The following GSTA3 variants were observed in gnomAD, a reference collection of about 807,000 sequenced individuals.
GSTA3 encodes the protein glutathione S-transferase A3.
Under a neutral mutation model 23.1 loss-of-function variants are expected in GSTA3, and 16 were observed. The observed-to-expected ratio is 0.69, with a 90% CI of 0.47 to 1.05. The LOEUF is 1.05. Among genes scored for constraint, GSTA3 ranks in the 50% least tolerant of loss-of-function variants. The pLI is 0.00. For missense variants in GSTA3, 319 were observed against 263.6 expected, an observed-to-expected ratio of 1.21 and a Z score of -1.46; for synonymous variants, 122 against 91.0, an observed-to-expected ratio of 1.34 and a Z score of -1.94.
In GSTA3 at chr6:52,908,049, C is replaced by T. The variant is rs151026664; in HGVS notation, c.-22+1592G>A. On this transcript the variant is annotated intron_variant, in intron 1 of 6. Coordinates refer to ENST00000211122, the MANE Select transcript of GSTA3 (RefSeq NM_000847.5). ...CCCCACCCCTCAAACTGTGAGCTCC[C>T]GGGAAGCAGAGAAGTTGTCATAGTC... 3.0e-4 allele frequency among the ~76,000 whole-genome samples: 45 copies of T among 151,846 alleles called. 1 individual carries two copies. In the East Asian group the frequency reaches 6.8e-3, roughly 23 times the overall value.
chr6:52,902,751 C>T (rs1456494573), intron 3 of GSTA3, among the ~76,000 whole-genome samples: 1 of 152,226 alleles, frequency 6.6e-6, no homozygotes, highest in East Asian at 1.9e-4. Flanking sequence ...GTTGATTTAT[C>T]GTCATGATAT....
rs1430964903 is a variant in GSTA3 at position 52,903,694 on chromosome 6, A to G, written c.121T>C (p.Leu41=). ...ATCTTACCATTTCTTAACTTTCCCA[A>G]ATCTTCTGCAGATCCTATAAATTTC... ...EEKFIGSAED[L]GKLRNDGSLM... Residue 41 remains leucine (L), a synonymous_variant, in exon 3 of 7, where the codon TTG becomes CTG. Coordinates refer to ENST00000211122, the MANE Select transcript of GSTA3 (RefSeq NM_000847.5). 2.5e-6 allele frequency: 4 copies of G among 1,590,166 alleles called. No homozygotes were observed. Among genetic ancestry groups the G allele is most frequent in the Admixed American group, 3.3e-5 (2 of 59,904 alleles).
rs1470123015 is a variant in GSTA3, at chr6:52,897,856, G to T, written c.515C>A (p.Ser172Tyr). The T allele has an allele frequency of 1.2e-6, 2 of 1,613,746 alleles. No homozygotes were observed. Among genetic ancestry groups the T allele is most frequent in the African/African-American group, 2.7e-5 (2 of 74,862 alleles). ...ELLYYVEELD[S>Y]SLISNFPLLK... is the part of the protein sequence containing the mutation. ...CAGAGGGAAGTTGGAGATAAGGCTG[G>T]AGTCAAGCTCTTCCACATAGTAGAG... The change falls in exon 6 of 7, where the codon TCC becomes TAC. Residue 172 changes from serine to tyrosine, a missense_variant. Transcript: ENST00000211122.
At chr6:52,903,832 G>A (rs1765788872) in intron 2 of GSTA3, 105 bp from the exon 3 acceptor site, 9 of 703,238 alleles carry the variant, frequency 1.3e-5, no homozygotes, top group Admixed American at 9.1e-5. Flanking sequence ...GAGAACATAA[G>A]ATTTCTGAGT....
intron 5 of GSTA3, among the ~76,000 whole-genome samples, chr6:52,898,799 C>A (rs1385570852): frequency 1.3e-5 from 2 of 152,166 alleles, no homozygotes; most frequent in Non-Finnish European, 2.9e-5. Context: ...ACGGTGAGCG[C>A]ACACTTGGAC....
At chr6:52,903,643 C>G (rs981243381) in intron 3 of GSTA3, 33 bp downstream of exon 3, 1 of 1,179,984 alleles carries the variant, frequency 8.5e-7, no homozygotes, top group Non-Finnish European at 1.3e-6. Flanking sequence ...TACTAGATAC[C>G]CTCATCAGAG....
intron 1 of GSTA3, among the ~76,000 whole-genome samples, chr6:52,906,604 C>G (rs10948730): frequency 2.6e-5 from 4 of 151,986 alleles, no homozygotes; most frequent in Admixed American, 2.0e-4. Flanking sequence ...GGTACTGGTA[C>G]CAAAACAGAG....
intron 6 of GSTA3, 21 bp from the exon 7 acceptor site, chr6:52,896,949 C>A (rs1765468387): frequency 6.2e-7 from 1 of 1,613,012 alleles, no homozygotes; most frequent in African/African-American, 1.3e-5. Context: ...CAAAGCACAG[C>A]CTCAGAGTGA....
intron 6 of GSTA3, among the ~76,000 whole-genome samples, chr6:52,897,335 C>T (rs1278811325): frequency 1.3e-5 from 2 of 152,198 alleles, no homozygotes; most frequent in Non-Finnish European, 2.9e-5. Context: ...CATGGGACCA[C>T]GTTTTCTCAG....
Position 52,900,084 on chromosome 6 carries a change from CA to C in GSTA3, c.273-10del. 6.3e-7 allele frequency: 1 copy of C among 1,591,478 alleles called. No homozygotes were observed. The highest frequency in any genetic ancestry group is 1.2e-5 in the South Asian group (1 of 86,090). On this transcript the variant is annotated splice_polypyrimidine_tract_variant and intron_variant, in intron 4 of 6. Transcript: ENST00000211122. The stretch of plus-strand genomic sequence containing the variant: ...CTGTATACATATCAATTCTGAAAGA[CA>C]AAAACAGCCAAAGCATCAAATGCCT...
rs115473843 is a variant in GSTA3 at position 52,897,487 on chromosome 6, G to A, written c.546+338C>T. On this transcript the variant is annotated intron_variant, in intron 6 of 6. Coordinates refer to ENST00000211122, the MANE Select transcript of GSTA3 (RefSeq NM_000847.5). ...AGGGCCCTGCTCAGACCAATTCAGT[G>A]TGGGAACACAAGGACAGTCTTGGGA... Among the ~76,000 whole-genome samples the A allele has an allele frequency of 2.5e-3, 375 of 152,290 alleles. 4 individuals are homozygous for A. The highest frequency in any genetic ancestry group is 8.6e-3 in the African/African-American group (357 of 41,570).
chr6:52,904,266 A>G (rs1021016443), intron 2 of GSTA3, among the ~76,000 whole-genome samples: 1 of 152,114 alleles, frequency 6.6e-6, no homozygotes, highest in African/African-American at 2.4e-5. Context: ...CTGGGATTAA[A>G]GGTGTGACCC....
Position 52,898,336 on chromosome 6 carries a change from A to G in GSTA3, c.415-380T>C, listed in dbSNP as rs188262001. 1.1e-3 allele frequency among the ~76,000 whole-genome samples: 161 copies of G among 151,882 alleles called. 5 individuals are homozygous for G. Among genetic ancestry groups the G allele is most frequent in the East Asian group, 1.4e-3 (7 of 5,162 alleles). On this transcript the variant is annotated intron_variant, in intron 5 of 6. Coordinates refer to ENST00000211122, the MANE Select transcript of GSTA3 (RefSeq NM_000847.5). ...CTACAATCTGCTCTCTCCCTCTCCA[A>G]TCTCCCTTGGGCAGTGACTCCACCT...
chr6:52,898,772 C>T (rs1765555889), intron 5 of GSTA3, among the ~76,000 whole-genome samples: 1 of 152,154 alleles, frequency 6.6e-6, no homozygotes, highest in Non-Finnish European at 1.5e-5. Context: ...GAAGGGTGCG[C>T]TCTCACAGAT....
chr6:52,907,590 C>T (rs1451650146), intron 1 of GSTA3, among the ~76,000 whole-genome samples: 2 of 150,596 alleles, frequency 1.3e-5, no homozygotes, highest in African/African-American at 4.9e-5. Context: ...CCAACAATGA[C>T]AGACTGGATT....
intron 3 of GSTA3, 26 bp from the exon 4 acceptor site, chr6:52,902,504 A>C (rs759293518): frequency 6.3e-7 from 1 of 1,594,902 alleles, no homozygotes; most frequent in Non-Finnish European, 8.5e-7. Flanking sequence ...AAAAAAAGGA[A>C]CATGAAATTT....
chr6:52,902,416 T>C lies in GSTA3; in HGVS notation c.202A>G (p.Thr68Ala). 1 of 1,613,990 alleles carries C rather than the reference T, an allele frequency of 6.2e-7. No individual in the cohort carries two copies. The highest frequency in any genetic ancestry group is 8.5e-7 in the Non-Finnish European group (1 of 1,179,888). Residue 68 changes from threonine to alanine, a missense_variant, in exon 4 of 7, where the codon ACC (threonine) becomes GCC (alanine). By Grantham distance (58) the Thr-to-Ala change is moderately conservative (BLOSUM62 0). Transcript: ENST00000211122. Reference protein sequence around the residue: ...VEIDGMKLVQTRAILNYIASK... With the variant: ...VEIDGMKLVQARAILNYIASK... ...GCAATGTAGTTGAGAATGGCTCTGGTCTGTACCAACTTCATCCCATCAATC... is the reference window on the plus strand; with the variant it reads ...GCAATGTAGTTGAGAATGGCTCTGGCCTGTACCAACTTCATCCCATCAATC...
At chr6:52,899,127 G>C (rs1312311553) in intron 5 of GSTA3, among the ~76,000 whole-genome samples, 1 of 152,134 alleles carries the variant, frequency 6.6e-6, no homozygotes, top group East Asian at 1.9e-4. Flanking sequence ...AATGGGTCAG[G>C]GTGGAGCAGG....
intron 1 of GSTA3, among the ~76,000 whole-genome samples, chr6:52,908,502 G>A (rs968562082): frequency 6.6e-6 from 1 of 152,074 alleles, no homozygotes; most frequent in Non-Finnish European, 1.5e-5. Context: ...GTGACAGAAT[G>A]AGACTGTCTC....
Sources: gnomAD v4.1 joint callset for allele counts (sites outside exome capture counted in the v4.1 genomes callset) on GRCh38, gnomAD v4.1.1 for gene constraint, MANE v1.5 for transcripts, NCBI Gene and HGNC (gene_info 2026-07-23, HGNC 2026-07-21) for gene names.